YKT6: variants seen among roughly 807,000 people sequenced by gnomAD.
The protein encoded by YKT6 is synaptobrevin homolog YKT6.
A neutral mutation model predicts 29.3 loss-of-function variants in YKT6; 12 were observed. That is an observed-to-expected ratio of 0.41 (90% CI 0.26 to 0.66). YKT6 has a LOEUF of 0.66. Among genes scored for constraint, YKT6 ranks in the 30% least tolerant of loss-of-function variants. YKT6 has a pLI of 0.32. For missense variants in YKT6, 188 were observed against 243.8 expected (o/e 0.77, Z 1.52); for synonymous variants, 86 against 94.3 (o/e 0.91, Z 0.51).
At chr7:44,211,826 G>A (rs903128944) in intron 6 of YKT6, among the ~76,000 whole-genome samples, 1 of 152,250 alleles carries the variant, frequency 6.6e-6, no homozygotes, top group African/African-American at 2.4e-5. Flanking sequence ...AACCACATCT[G>A]TTGTCCTCAG....
intron 5 of YKT6, chr7:44,208,854 C>G (rs1235806041): frequency 1.3e-5 from 2 of 152,758 alleles, no homozygotes; most frequent in Admixed American, 1.3e-4. Context: ...CACCTCCAGT[C>G]TGTCCACCAG....
chr7:44,204,915 A>G (rs984251163), intron 2 of YKT6, among the ~76,000 whole-genome samples: 2 of 152,244 alleles, frequency 1.3e-5, no homozygotes, highest in African/African-American at 4.8e-5. Flanking sequence ...TTCATATCGT[A>G]TTCTTCCCTA....
rs538988906 is a variant in YKT6 at position 44,212,288 on chromosome 7, C to G, written c.*6C>G. The G allele has an allele frequency of 1.9e-6, 3 of 1,613,810 alleles. No individual in the cohort carries two copies. The highest frequency in any genetic ancestry group is 1.3e-5 in the African/African-American group (1 of 75,046). On this transcript the variant is annotated 3_prime_UTR_variant, in exon 7 of 7. Transcript: ENST00000223369. ...CATGCTGTGCCATCATGTGATGCAG[C>G]CTGCCAGAGGCCCAATGCTGGAATG... is the stretch of plus-strand genomic sequence containing the variant.
intron 3 of YKT6, 38 bp from the exon 4 acceptor site, chr7:44,207,350 C>T (rs747157899): frequency 1.3e-6 from 2 of 1,564,922 alleles, no homozygotes; most frequent in South Asian, 2.2e-5. Context: ...CTGGTGAGTG[C>T]ACAGTGGGAG....
chr7:44,212,151 G>C (rs773495624), intron 6 of YKT6, 96 bp from the exon 7 acceptor site: 5 of 1,465,332 alleles, frequency 3.4e-6, no homozygotes, highest in Non-Finnish European at 4.8e-6. Context: ...CTGCCTGGCT[G>C]TGTCCTGTGG....
At chr7:44,205,059 G>A (rs1242115961) in intron 2 of YKT6, among the ~76,000 whole-genome samples, 1 of 152,154 alleles carries the variant, frequency 6.6e-6, no homozygotes, top group African/African-American at 2.4e-5. Context: ...GATAATTCAG[G>A]TTTAGGCATT....
chr7:44,209,583 G>C (rs2096344523), intron 5 of YKT6, among the ~76,000 whole-genome samples: 2 of 152,214 alleles, frequency 1.3e-5, no homozygotes, highest in Non-Finnish European at 2.9e-5. Flanking sequence ...GTAAAATCTA[G>C]ATGATTGGTG....
At chr7:44,207,781 C>T (rs2096342347) in intron 4 of YKT6, among the ~76,000 whole-genome samples, 1 of 151,760 alleles carries the variant, frequency 6.6e-6, no homozygotes, top group African/African-American at 2.4e-5. Flanking sequence ...GGCTGGAGTG[C>T]AGTGGCGCAA....
chr7:44,201,263 C>A, intron 1 of YKT6, 24 bp downstream of exon 1: 1 of 1,430,222 alleles, frequency 7.0e-7, no homozygotes, highest in Non-Finnish European at 9.4e-7. Context: ...GCTGGTGGGC[C>A]GTGGCGGTCG....
At chr7:44,203,275 G>T (rs2096337678) in intron 1 of YKT6, among the ~76,000 whole-genome samples, 1 of 152,134 alleles carries the variant, frequency 6.6e-6, no homozygotes, top group African/African-American at 2.4e-5. Context: ...TGTATTTTTA[G>T]TAGAGATGGG....
At chr7:44,209,639 C>T (rs902112338) in intron 5 of YKT6, among the ~76,000 whole-genome samples, 1 of 152,216 alleles carries the variant, frequency 6.6e-6, no homozygotes, top group South Asian at 2.1e-4. Context: ...ATTTGAGTCG[C>T]TCAGCTGTGT....
chr7:44,208,331 A>G (rs907599264), intron 5 of YKT6, 133 bp downstream of exon 5: 3 of 918,262 alleles, frequency 3.3e-6, no homozygotes, highest in African/African-American at 1.7e-5. Flanking sequence ...GGGATTGCCC[A>G]CCCCTTCCCC....
chr7:44,206,744 G>A (rs541803578), intron 3 of YKT6, among the ~76,000 whole-genome samples: 2 of 152,166 alleles, frequency 1.3e-5, no homozygotes, highest in African/African-American at 4.8e-5. Flanking sequence ...TGGGACCCTC[G>A]GAGACAGCTG....
chr7:44,209,086 C>T (rs1411497340), intron 5 of YKT6, among the ~76,000 whole-genome samples: 1 of 152,196 alleles, frequency 6.6e-6, no homozygotes, highest in Non-Finnish European at 1.5e-5. Flanking sequence ...AGCGTATGAG[C>T]ACTGGGACAT....
At chr7:44,211,600 C>T (rs17176840) in intron 6 of YKT6, 23 of 1,010,620 alleles carry the variant, frequency 2.3e-5, no homozygotes, top group Non-Finnish European at 2.6e-5. Context: ...GCCGCTTTCT[C>T]TCAGGTCAGT....
intron 1 of YKT6, among the ~76,000 whole-genome samples, chr7:44,201,680 T>C (rs1485611332): frequency 6.6e-6 from 1 of 152,230 alleles, no homozygotes; most frequent in African/African-American, 2.4e-5. Flanking sequence ...ATTTATATTT[T>C]AGACCAACAC....
At chr7:44,207,724 T>TTTTTTTG (rs1554342702) in intron 4 of YKT6, among the ~76,000 whole-genome samples, 3 of 152,014 alleles carry the variant, frequency 2.0e-5, no homozygotes, top group Non-Finnish European at 4.4e-5. Context: ...TGTGGGTTTT[T>TTTTTTTG]TTTTTTGTTT....
chr7:44,207,994 G>A, intron 4 of YKT6, 139 bp from the exon 5 acceptor site: 2 of 821,676 alleles, frequency 2.4e-6, no homozygotes, highest in Non-Finnish European at 3.9e-6. Context: ...AAAATGCTGG[G>A]ATTACAGGCG....
At position 44,212,303 on chromosome 7, in the gene YKT6, A is replaced by G. The variant is rs766578793; in HGVS notation, c.*21A>G. 63 of 1,613,440 alleles carry G rather than the reference A, an allele frequency of 3.9e-5. No individual in the cohort carries two copies. The highest frequency in any genetic ancestry group is 2.9e-4 in the East Asian group (13 of 44,876). ...TGTGATGCAGCCTGCCAGAGGCCCA[A>G]TGCTGGAATGGCACCATCATTCACA... On this transcript the variant is annotated 3_prime_UTR_variant, in exon 7 of 7. Coordinates refer to ENST00000223369, the MANE Select transcript of YKT6 (RefSeq NM_006555.4).
Sources: allele counts gnomAD v4.1 joint callset (sites outside exome capture counted in the v4.1 genomes callset), GRCh38; gene constraint gnomAD v4.1.1; transcripts MANE v1.5; gene names NCBI Gene and HGNC (gene_info 2026-07-23, HGNC 2026-07-21).